Variants in GBX2 observed in about 807,000 individuals in gnomAD.
GBX2 encodes the protein gastrulation brain homeobox 2.
A neutral mutation model predicts 22.4 loss-of-function variants in GBX2; 5 were observed. The observed-to-expected ratio is 0.22, with a 90% CI of 0.12 to 0.47. The LOEUF (loss-of-function observed/expected upper bound fraction) is 0.47, where lower values mean the gene tolerates loss of function less well. GBX2 is among the 20% of genes least tolerant of loss of function. The pLI, the probability that GBX2 is intolerant of heterozygous loss-of-function variation, is 0.99. For missense variants in GBX2, 470 were observed against 495.4 expected (o/e 0.95, Z 0.49); for synonymous variants, 220 against 230.5 (o/e 0.95, Z 0.41).
In GBX2 at chr2:236,167,524, C is replaced by T. The variant is rs769739341; in HGVS notation, c.448G>A (p.Asp150Asn). 1.7e-5 allele frequency: 27 copies of T among 1,597,790 alleles called. No homozygotes were observed. The Admixed American group carries it at 2.5e-4, about 15-fold the overall frequency. The change falls in exon 1 of 2, where the codon GAC becomes AAC. Residue 150 changes from aspartate (D) to asparagine (N), a missense_variant. Physicochemically the swap from Asp to Asn is conservative, Grantham distance 23 (BLOSUM62 1). This residue lies in a region of GBX2 where 377 missense variants were observed against 358.6 expected (regional missense o/e 1.05). Coordinates refer to ENST00000306318, the MANE Select transcript of GBX2 (RefSeq NM_001485.4). ...KAEALQADAE[D>N]GKGFLAKEGS... ...TCTTTGGCCAGGAAGCCTTTGCCGT[C>T]CTCCGCGTCAGCCTGCAGCGCCTCC...
chr2:236,163,166 C>A (rs557564193), downstream of GBX2, among the ~76,000 whole-genome samples: 15 of 152,170 alleles, frequency 9.9e-5, no homozygotes, highest in Non-Finnish European at 2.1e-4. Flanking sequence ...ATGATGACAG[C>A]GGCCATCAAG....
In GBX2 at chr2:236,167,805, G is replaced by GGCA; in HGVS notation, c.164_166dup (p.Leu55dup). The GGCA allele has an allele frequency of 2.1e-6, 3 of 1,412,148 alleles. No homozygotes were observed. Among genetic ancestry groups the GGCA allele is most frequent in the Non-Finnish European group, 2.8e-6 (3 of 1,080,086 alleles). The allele number at this position is 1,412,148 out of a possible 1,614,324, so 87.5% of individuals were successfully genotyped here. On this transcript the variant is annotated inframe_insertion, in exon 1 of 2. Transcript: ENST00000306318. Reference sequence around the variant, plus strand: ...CGCGGGCGGCGGCGGCGGCGGCGGCGGCAGCACTACCGGCCGGTAGGGCAT... The same window carrying GGCA: ...CGCGGGCGGCGGCGGCGGCGGCGGCGGCAGCAGCACTACCGGCCGGTAGGGCAT...
chr2:236,167,073 C>T, intron 1 of GBX2: 2 of 1,416,844 alleles, frequency 1.4e-6, no homozygotes, highest in Non-Finnish European at 1.9e-6. Flanking sequence ...AGTCTGGGCG[C>T]CCCTGGGCAC....
In GBX2 at chr2:236,168,043, ACGCCGGGAGCAC is replaced by A; in HGVS notation, c.-84_-73del. On this transcript the variant is annotated 5_prime_UTR_variant, in exon 1 of 2. Transcript: ENST00000306318. ...GCGCCGCCGCCGGGAAGCCCGCCGGACGCCGGGAGCACCGCCGGGAGCGCCGGGCAGGGGCCG... is the reference window on the plus strand; with the variant it reads ...GCGCCGCCGCCGGGAAGCCCGCCGGACGCCGGGAGCGCCGGGCAGGGGCCG... 9 of 1,346,248 alleles carry A rather than the reference ACGCCGGGAGCAC, an allele frequency of 6.7e-6. No individual in the cohort carries two copies. Among genetic ancestry groups the A allele is most frequent in the East Asian group, 3.2e-5 (1 of 31,114 alleles). The allele number at this position is 1,346,248 out of a possible 1,614,324, so 83.4% of individuals were successfully genotyped here.
At chr2:236,162,242 C>T (rs1438291901), downstream of GBX2, among the ~76,000 whole-genome samples, 1 of 152,192 alleles carries the variant, frequency 6.6e-6, no homozygotes, top group African/African-American at 2.4e-5. Flanking sequence ...GGATGTCCTC[C>T]GAGGCAAACC....
intron 1 of GBX2, 85 bp downstream of exon 1, chr2:236,167,364 C>G: frequency 7.1e-7 from 1 of 1,400,986 alleles, no homozygotes; most frequent in South Asian, 1.5e-5. Context: ...GGCCTCGCCC[C>G]CTTGGTCTCC....
At chr2:236,164,591 G>A (rs573415789), downstream of GBX2, among the ~76,000 whole-genome samples, 9 of 152,276 alleles carry the variant, frequency 5.9e-5, no homozygotes, top group South Asian at 1.9e-3. Context: ...CCCCTTTGTG[G>A]TGCGGACTAC....
downstream of GBX2, among the ~76,000 whole-genome samples, chr2:236,163,852 A>G (rs1425899949): frequency 6.6e-6 from 1 of 152,046 alleles, no homozygotes; most frequent in Non-Finnish European, 1.5e-5. Context: ...CCCCCGCGCC[A>G]GGCCAGGGCG....
At chr2:236,163,606 C>T (rs924988746), downstream of GBX2, among the ~76,000 whole-genome samples, 1 of 152,202 alleles carries the variant, frequency 6.6e-6, no homozygotes, top group Non-Finnish European at 1.5e-5. Context: ...GGTCTCTTCC[C>T]CCGACCCGCA....
Position 236,165,884 on chromosome 2 carries a change from TGGGTGCCAGGCCCTGGC to T in GBX2, c.*13_*29del. 1 of 1,553,478 alleles carries T rather than the reference TGGGTGCCAGGCCCTGGC, an allele frequency of 6.4e-7. No homozygotes were observed. The highest frequency in any genetic ancestry group is 8.7e-7 in the Non-Finnish European group (1 of 1,148,954). On this transcript the variant is annotated 3_prime_UTR_variant, in exon 2 of 2. Transcript: ENST00000306318. ...CCTCGGGTGCGGGGGCTTCTCCAGG[TGGGTGCCAGGCCCTGGC>T]CCTTCTGGACCCTCAGGGCCGGGCC...
Position 236,167,622 on chromosome 2 carries a change from TG to T in GBX2, c.349del (p.Gln117SerfsTer97). Reference protein sequence around the residue: ...TLPGGFSASPQHQEAAAARKF... With the variant: ...TLPGGFSASPXHQEAAAARKF... ...GCGGGCCGCTGCCGCCTCCTGGTGCTGGGGCGACGCGGAGAAGCCGCCGGGG... is the reference window on the plus strand; with the variant it reads ...GCGGGCCGCTGCCGCCTCCTGGTGCTGGGCGACGCGGAGAAGCCGCCGGGG... On this transcript the variant is annotated frameshift_variant, in exon 1 of 2. Transcript: ENST00000306318. LOFTEE classifies it high-confidence loss of function. The T allele has an allele frequency of 6.3e-7, 1 of 1,593,506 alleles. No individual in the cohort carries two copies. Among genetic ancestry groups the T allele is most frequent in the South Asian group, 1.1e-5 (1 of 89,680 alleles).
At position 236,166,584 on chromosome 2, in the gene GBX2, TG is replaced by T; in HGVS notation, c.524-148del. The T allele has an allele frequency of 1.3e-6, 1 of 747,104 alleles. No individual in the cohort carries two copies. The highest frequency in any genetic ancestry group is 2.6e-5 in the East Asian group (1 of 38,124). The allele number at this position is 747,104 out of a possible 1,614,324, so 46.3% of individuals were successfully genotyped here. ...ATGACATTAACACATTGTGATTTCC[TG>T]GCCTTTGAGGGGTAGAGGAGGGGTG... On this transcript the variant is annotated intron_variant, in intron 1 of 1. Transcript: ENST00000306318. The surrounding 1 kb of genome is among the most constrained non-coding windows in gnomAD (Gnocchi z 6.6).
downstream of GBX2, among the ~76,000 whole-genome samples, chr2:236,161,611 T>G: frequency 6.6e-6 from 1 of 152,192 alleles, no homozygotes; most frequent in Admixed American, 6.5e-5. Context: ...CCCTGAGCAC[T>G]GCGCTGAAGC....
Position 236,166,031 on chromosome 2 carries a change from G to A in GBX2, c.930C>T (p.Ala310=), listed in dbSNP as rs1257155439. ...GGGAGGGCTCCCCTGTCTTGGAATT[G>A]GCATTGCCTGCCTTCACCCGTTTCC... ...AKWKRVKAGN[A]NSKTGEPSRN... is the part of the protein sequence containing the mutation. Residue 310 remains alanine (A), a synonymous_variant, in exon 2 of 2, where the codon GCC becomes GCT. Transcript: ENST00000306318. This position sits in a 1 kb window ranked among gnomAD's most constrained non-coding sequence, Gnocchi z 6.6. 1 of 1,614,216 alleles carries A rather than the reference G, an allele frequency of 6.2e-7. No homozygotes were observed. Among genetic ancestry groups the A allele is most frequent in the Non-Finnish European group, 8.5e-7 (1 of 1,180,042 alleles).
In GBX2 at chr2:236,166,745, G is replaced by A. The variant is rs371481830; in HGVS notation, c.524-308C>T. 6.6e-6 allele frequency among the ~76,000 whole-genome samples: 1 copy of A among 152,216 alleles called. No homozygotes were observed. Among genetic ancestry groups the A allele is most frequent in the East Asian group, 1.9e-4 (1 of 5,138 alleles). Reference sequence around the variant, plus strand: ...GGCAGCGTCAGGAGAAGTAGCAGGAGGCGCGAGGCCCAAGAGATTGCCCGC... The same window carrying A: ...GGCAGCGTCAGGAGAAGTAGCAGGAAGCGCGAGGCCCAAGAGATTGCCCGC... On this transcript the variant is annotated intron_variant, in intron 1 of 1. Coordinates refer to ENST00000306318, the MANE Select transcript of GBX2 (RefSeq NM_001485.4). The surrounding 1 kb of genome is among the most constrained non-coding windows in gnomAD (Gnocchi z 6.6).
In GBX2 at chr2:236,168,279, G is replaced by A; in HGVS notation, c.-308C>T. On this transcript the variant is annotated 5_prime_UTR_variant, in exon 1 of 2. Coordinates refer to ENST00000306318, the MANE Select transcript of GBX2 (RefSeq NM_001485.4). Reference sequence around the variant, plus strand: ...TTCGCGGGTTTGGCCCTCGGCCCCGGTAAGCTGCCGTCCGTCCGTCCGTCC... The same window carrying A: ...TTCGCGGGTTTGGCCCTCGGCCCCGATAAGCTGCCGTCCGTCCGTCCGTCC... 5.8e-6 allele frequency: 1 copy of A among 171,442 alleles called. No homozygotes were observed. The highest frequency in any genetic ancestry group is 1.1e-5 in the Non-Finnish European group (1 of 90,054). 10.6% of individuals were successfully genotyped at this position (171,442 alleles called of 1,614,324 possible).
At chr2:236,164,290 A>C (rs1030311840), downstream of GBX2, among the ~76,000 whole-genome samples, 1 of 152,114 alleles carries the variant, frequency 6.6e-6, no homozygotes, top group East Asian at 2.0e-4. Context: ...CCCCCACTCG[A>C]AAGGCTGAGG....
intron 1 of GBX2, chr2:236,167,171 C>A: frequency 6.5e-7 from 1 of 1,535,608 alleles, no homozygotes; most frequent in Non-Finnish European, 8.7e-7. Context: ...GCGGCAGAGG[C>A]GGCCTCGGCC....
At chr2:236,164,583 C>G (rs925993030), downstream of GBX2, among the ~76,000 whole-genome samples, 2 of 152,118 alleles carry the variant, frequency 1.3e-5, no homozygotes, top group East Asian at 3.9e-4. Context: ...CCGTTTTCCC[C>G]CTTTGTGGTG....
Sources: gnomAD v4.1 joint callset for allele counts (sites outside exome capture counted in the v4.1 genomes callset) on GRCh38, gnomAD v4.1.1 for gene constraint, gnomAD v4.1.1 regional missense constraint, Gnocchi (gnomAD v3.1) non-coding constraint, MANE v1.5 for transcripts, NCBI Gene and HGNC (gene_info 2026-07-23, HGNC 2026-07-21) for gene names.